Variants in NKAIN3 observed in about 807,000 individuals in gnomAD.
NKAIN3 encodes sodium/potassium transporting ATPase interacting 3.
Under a neutral mutation model 30.2 loss-of-function variants are expected in NKAIN3, and 25 were observed. The observed-to-expected ratio is 0.83, with a 90% CI of 0.60 to 1.16. The LOEUF (loss-of-function observed/expected upper bound fraction) is 1.16, where lower values mean the gene tolerates loss of function less well. Among genes scored for constraint, NKAIN3 ranks in the 50% most tolerant of loss-of-function variants. NKAIN3 has a pLI of 0.00. For missense variants in NKAIN3, 225 were observed against 254.1 expected (o/e 0.89, Z 0.78); for synonymous variants, 91 against 89.6 (o/e 1.02, Z -0.09).
At chr8:62,895,389 A>G (rs1188409538) in intron 4 of NKAIN3, among the ~76,000 whole-genome samples, 1 of 152,228 alleles carries the variant, frequency 6.6e-6, no homozygotes, top group Non-Finnish European at 1.5e-5. Flanking sequence ...GTCACAAACC[A>G]GCAACATCAC....
At chr8:62,530,743 A>C (rs1808461969) in intron 1 of NKAIN3, among the ~76,000 whole-genome samples, 1 of 151,168 alleles carries the variant, frequency 6.6e-6, no homozygotes, top group Non-Finnish European at 1.5e-5. Context: ...GATTCAAGAG[A>C]CTCTCCTGCC....
chr8:62,256,255 A>C (rs760069456), intron 1 of NKAIN3, among the ~76,000 whole-genome samples: 1 of 152,026 alleles, frequency 6.6e-6, no homozygotes, highest in Non-Finnish European at 1.5e-5. Context: ...TCTATAAAAA[A>C]AAAATTTAAA....
intron 3 of NKAIN3, among the ~76,000 whole-genome samples, chr8:62,666,567 AT>A (rs538934140): frequency 3.9e-5 from 6 of 151,922 alleles, no homozygotes; most frequent in South Asian, 2.1e-4. Flanking sequence ...TCATTTTGTG[AT>A]TTTTTTCTTA....
At chr8:62,540,138 C>T (rs1275125621) in intron 1 of NKAIN3, among the ~76,000 whole-genome samples, 1 of 152,108 alleles carries the variant, frequency 6.6e-6, no homozygotes, top group African/African-American at 2.4e-5. Context: ...TCTCTGTCTC[C>T]CATTCCTAAT....
intron 4 of NKAIN3, among the ~76,000 whole-genome samples, chr8:62,914,781 T>A (rs1288898361): frequency 4.6e-5 from 7 of 150,872 alleles, no homozygotes; most frequent in Non-Finnish European, 1.0e-4. Flanking sequence ...TGTAATCTTT[T>A]TTTTTTTTTT....
intron 4 of NKAIN3, among the ~76,000 whole-genome samples, chr8:62,833,177 G>A (rs962568171): frequency 6.6e-6 from 1 of 152,024 alleles, no homozygotes; most frequent in African/African-American, 2.4e-5. Flanking sequence ...AAATCTTTGG[G>A]ATGCAGCAAA....
chr8:62,806,249 T>G (rs1317484060), intron 4 of NKAIN3, among the ~76,000 whole-genome samples: 1 of 152,210 alleles, frequency 6.6e-6, no homozygotes, highest in Non-Finnish European at 1.5e-5. Context: ...AGTGTGGCGA[T>G]TCCTCAGGGA....
At chr8:62,903,424 C>G (rs1256295558) in intron 4 of NKAIN3, among the ~76,000 whole-genome samples, 1 of 152,046 alleles carries the variant, frequency 6.6e-6, no homozygotes, top group Non-Finnish European at 1.5e-5. Flanking sequence ...ATAAGAGGAC[C>G]GTCTCTCCTA....
chr8:62,732,192 C>A (rs907501723), intron 3 of NKAIN3, among the ~76,000 whole-genome samples: 2 of 151,846 alleles, frequency 1.3e-5, no homozygotes, highest in Non-Finnish European at 2.9e-5. Flanking sequence ...TCTTATCTGC[C>A]CCCAATAGAT....
intron 3 of NKAIN3, among the ~76,000 whole-genome samples, chr8:62,670,081 A>G (rs1366975110): frequency 6.6e-6 from 1 of 152,166 alleles, no homozygotes; most frequent in African/African-American, 2.4e-5. Context: ...AATTAGAATC[A>G]AGTCTATACC....
At chr8:62,951,859 G>A (rs1823292749) in intron 5 of NKAIN3, among the ~76,000 whole-genome samples, 1 of 152,156 alleles carries the variant, frequency 6.6e-6, no homozygotes, top group Middle Eastern at 3.4e-3. Context: ...GGAGTGCAGT[G>A]GCATGATCTC....
At chr8:62,419,069 T>C (rs1346083173) in intron 1 of NKAIN3, among the ~76,000 whole-genome samples, 1 of 152,166 alleles carries the variant, frequency 6.6e-6, no homozygotes, top group Non-Finnish European at 1.5e-5. Context: ...CTTCTATCTT[T>C]TGGTTTCAAG....
At chr8:62,461,315 C>G (rs979779035) in intron 1 of NKAIN3, among the ~76,000 whole-genome samples, 10 of 152,196 alleles carry the variant, frequency 6.6e-5, no homozygotes, top group Admixed American at 1.3e-4. Context: ...ATCAAACAAA[C>G]ACAACTACAG....
chr8:62,509,728 G>A (rs554480560), intron 1 of NKAIN3, among the ~76,000 whole-genome samples: 3 of 151,976 alleles, frequency 2.0e-5, no homozygotes, highest in South Asian at 2.1e-4. Context: ...CTTTCTTATC[G>A]TAACTCTCCT....
intron 1 of NKAIN3, among the ~76,000 whole-genome samples, chr8:62,514,236 C>G (rs142957204): frequency 6.6e-6 from 1 of 152,198 alleles, no homozygotes; most frequent in African/African-American, 2.4e-5. Context: ...AGTATGCACT[C>G]AGACATTCTA....
intron 1 of NKAIN3, among the ~76,000 whole-genome samples, chr8:62,300,820 T>A (rs1267772630): frequency 6.6e-6 from 1 of 152,160 alleles, no homozygotes. Context: ...GTGTTTTAGC[T>A]CCATTGAGTT....
rs76954146 is a variant in NKAIN3 at position 62,935,218 on chromosome 8, G to A, written c.532+16705G>A. Among the ~76,000 whole-genome samples the A allele has an allele frequency of 1.4e-3, 207 of 152,230 alleles. No individual in the cohort carries two copies. The East Asian group carries it at 0.031, about 23-fold the overall frequency. On this transcript the variant is annotated intron_variant, in intron 5 of 6. Transcript: ENST00000623646. ...GTTCCACAGGGACACAACACTGTTC[G>A]GGGGACAGCAAGGACAGAATGTTGG...
chr8:62,456,214 A>G (rs1345322018), intron 1 of NKAIN3, among the ~76,000 whole-genome samples: 1 of 152,214 alleles, frequency 6.6e-6, no homozygotes, highest in African/African-American at 2.4e-5. Context: ...GAACTACAGT[A>G]CTAGAAGTCT....
At chr8:62,495,481 G>T (rs1055071046) in intron 1 of NKAIN3, among the ~76,000 whole-genome samples, 2 of 150,874 alleles carry the variant, frequency 1.3e-5, no homozygotes, top group African/African-American at 4.9e-5. Context: ...AATTTTTTTT[G>T]GTTAAAGTGT....
Sources: gnomAD v4.1 joint callset for allele counts (sites outside exome capture counted in the v4.1 genomes callset) on GRCh38, gnomAD v4.1.1 for gene constraint, MANE v1.5 for transcripts, NCBI Gene and HGNC (gene_info 2026-07-23, HGNC 2026-07-21) for gene names.